Variants in ABCG2 observed in about 807,000 individuals in gnomAD.
ABCG2 encodes broad substrate specificity ATP-binding cassette transporter ABCG2.
In ABCG2, 80 loss-of-function variants were observed where a neutral mutation model predicts 73.5. The observed-to-expected ratio is 1.09, with a 90% CI of 0.91 to 1.31. The LOEUF is 1.31. ABCG2 is among the 50% of genes most tolerant of loss of function. The probability of loss-of-function intolerance (pLI) is 0.00; values close to 1 mark genes in which losing one functional copy is unlikely to be tolerated. For missense variants in ABCG2, 796 were observed against 786.2 expected (o/e 1.01, Z -0.15); for synonymous variants, 269 against 282.4 (o/e 0.95, Z 0.48).
intron 1 of ABCG2, among the ~76,000 whole-genome samples, chr4:88,185,721 G>A (rs1052132125): frequency 2.2e-4 from 33 of 152,250 alleles, no homozygotes; most frequent in African/African-American, 7.7e-4. Context: ...CTCAAAAGAA[G>A]ACGCACGAAT....
chr4:88,146,879 A>G (rs1018141900), intron 1 of ABCG2, among the ~76,000 whole-genome samples: 1 of 142,812 alleles, frequency 7.0e-6, no homozygotes, highest in Non-Finnish European at 1.5e-5. Flanking sequence ...AAAGAAAGAA[A>G]AGCAAAGAAA....
chr4:88,149,720 G>A (rs1262346439), intron 1 of ABCG2, among the ~76,000 whole-genome samples: 7 of 152,082 alleles, frequency 4.6e-5, no homozygotes, highest in African/African-American at 4.8e-5. Context: ...GCATGGTAGC[G>A]CATGCCTGTA....
At chr4:88,099,002 A>G (rs1157441407) in intron 12 of ABCG2, among the ~76,000 whole-genome samples, 1 of 152,078 alleles carries the variant, frequency 6.6e-6, no homozygotes, top group African/African-American at 2.4e-5. Flanking sequence ...AGGCTGAGGT[A>G]GGAGGATCAC....
intron 1 of ABCG2, among the ~76,000 whole-genome samples, chr4:88,147,035 A>AAGAG (rs1726085570): frequency 6.6e-6 from 1 of 151,630 alleles, no homozygotes; most frequent in Non-Finnish European, 1.5e-5. Context: ...GAAAGAAAGA[A>AAGAG]AGAAAGAAAG....
At chr4:88,141,310 T>A (rs1725625842) in intron 1 of ABCG2, among the ~76,000 whole-genome samples, 1 of 152,198 alleles carries the variant, frequency 6.6e-6, no homozygotes, top group African/African-American at 2.4e-5. Flanking sequence ...GCATTCCGCG[T>A]GCCCTTTCCT....
At chr4:88,170,777 G>A (rs144354582) in intron 1 of ABCG2, among the ~76,000 whole-genome samples, 146 of 152,312 alleles carry the variant, frequency 9.6e-4, no homozygotes, top group African/African-American at 3.3e-3. Flanking sequence ...CACAGGCAGC[G>A]AGCGACCGGC....
rs188154841 is a variant in ABCG2 at position 88,195,412 on chromosome 4, C to T, written c.-20+35582G>A. Among the ~76,000 whole-genome samples the T allele has an allele frequency of 7.2e-4, 110 of 152,194 alleles. 1 individual carries two copies. The highest frequency in any genetic ancestry group is 7.2e-4 in the Admixed American group (11 of 15,284). On this transcript the variant is annotated intron_variant, in intron 1 of 15. Coordinates refer to the ABCG2 transcript ENST00000515655. ...GGCTATCCAGAAAACAGATAGGGTC[C>T]ATATAATATGTGGTCGGCTTGTTAG...
intron 8 of ABCG2, among the ~76,000 whole-genome samples, chr4:88,113,835 G>T (rs549793297): frequency 1.3e-5 from 2 of 151,816 alleles, no homozygotes; most frequent in Non-Finnish European, 2.9e-5. Context: ...GTGGTGGTGC[G>T]TGCCTGTAAT....
At chr4:88,211,389 G>T (rs377041974) in intron 1 of ABCG2, among the ~76,000 whole-genome samples, 1 of 95,664 alleles carries the variant, frequency 1.0e-5, no homozygotes, top group Non-Finnish European at 2.0e-5. Flanking sequence ...GGAGACCCCA[G>T]TGTCTGTTAT....
intron 1 of ABCG2, among the ~76,000 whole-genome samples, chr4:88,216,941 G>C (rs895995960): frequency 5.3e-5 from 8 of 151,650 alleles, no homozygotes; most frequent in African/African-American, 1.7e-4. Context: ...TGAGGCAGGA[G>C]AATCACTTGA....
chr4:88,194,153 T>A (rs1291590878), intron 1 of ABCG2, among the ~76,000 whole-genome samples: 7 of 152,202 alleles, frequency 4.6e-5, no homozygotes, highest in Non-Finnish European at 8.8e-5. Context: ...CTCTTTCCTG[T>A]TGGCTGGAAT....
chr4:88,093,571 G>A (rs1352767334), intron 15 of ABCG2, among the ~76,000 whole-genome samples: 1 of 149,038 alleles, frequency 6.7e-6, no homozygotes, highest in South Asian at 2.1e-4. Flanking sequence ...CTCATCTTCC[G>A]TTACCATGAA....
In ABCG2 at chr4:88,112,825, C is replaced by T. The variant is rs567262202; in HGVS notation, c.1194+478G>A. On this transcript the variant is annotated intron_variant, in intron 9 of 15. Transcript: ENST00000237612. ...TCTAAGAAACCACTAAAAAAAAGAACCTGGCCAGATGTGGTGGCTCACACC... is the reference window on the plus strand; with the variant it reads ...TCTAAGAAACCACTAAAAAAAAGAATCTGGCCAGATGTGGTGGCTCACACC... Among the ~76,000 whole-genome samples the T allele has an allele frequency of 4.6e-5, 7 of 152,154 alleles. No individual in the cohort carries two copies. In the South Asian group the frequency reaches 1.0e-3, roughly 23 times the overall value.
At chr4:88,158,026 A>C (rs1019126415) in intron 1 of ABCG2, among the ~76,000 whole-genome samples, 1 of 152,236 alleles carries the variant, frequency 6.6e-6, no homozygotes, top group African/African-American at 2.4e-5. Context: ...CCCCTTTAAA[A>C]TATTAACATC....
At chr4:88,144,953 A>T (rs1303561563) in intron 1 of ABCG2, among the ~76,000 whole-genome samples, 1 of 151,780 alleles carries the variant, frequency 6.6e-6, no homozygotes, top group East Asian at 1.9e-4. Flanking sequence ...TCATACAATG[A>T]AAACTGAGAA....
At chr4:88,131,614 G>A (rs934503442) in intron 4 of ABCG2, among the ~76,000 whole-genome samples, 189 bp downstream of exon 4, 2 of 152,140 alleles carry the variant, frequency 1.3e-5, no homozygotes, top group Non-Finnish European at 2.9e-5. Flanking sequence ...GTCCTTACAA[G>A]GGCCATATTC....
chr4:88,114,184 A>G (rs1578189075), intron 8 of ABCG2, among the ~76,000 whole-genome samples: 1 of 152,250 alleles, frequency 6.6e-6, no homozygotes, highest in Middle Eastern at 3.4e-3. Context: ...ATATTTAAAA[A>G]GAGAAAAAGA....
At chr4:88,177,153 GC>G (rs1728024983) in intron 1 of ABCG2, among the ~76,000 whole-genome samples, 1 of 151,926 alleles carries the variant, frequency 6.6e-6, no homozygotes, top group South Asian at 2.1e-4. Context: ...TGGGCGGATC[GC>G]AAGGTCAGGA....
chr4:88,170,074 G>A (rs892828812), intron 1 of ABCG2, among the ~76,000 whole-genome samples: 3 of 145,078 alleles, frequency 2.1e-5, no homozygotes, highest in African/African-American at 7.8e-5. Context: ...TTGTGCCACT[G>A]CACTCCAGCC....
Sources: gnomAD v4.1 joint callset for allele counts (sites outside exome capture counted in the v4.1 genomes callset) on GRCh38, gnomAD v4.1.1 for gene constraint, MANE v1.5 for transcripts, NCBI Gene and HGNC (gene_info 2026-07-23, HGNC 2026-07-21) for gene names.